FAM186A: variants seen among roughly 807,000 people sequenced by gnomAD.
FAM186A encodes family with sequence similarity 186 member A.
In FAM186A, 163 loss-of-function variants were observed where a neutral mutation model predicts 216.8. The ratio of observed to expected loss-of-function variants is 0.75; its 90% confidence interval spans 0.66 to 0.86. The LOEUF (loss-of-function observed/expected upper bound fraction) is 0.86. FAM186A is among the 40% of genes least tolerant of loss of function. The probability of loss-of-function intolerance (pLI) is 0.00; values close to 1 mark genes in which losing one functional copy is unlikely to be tolerated. For missense variants in FAM186A, 2,184 were observed against 2,746.2 expected, an observed-to-expected ratio of 0.80 and a Z score of 4.58; for synonymous variants, 805 against 1,025.3, an observed-to-expected ratio of 0.79 and a Z score of 4.10.
In FAM186A at chr12:50,353,471, T is replaced by A. The variant is rs943724892; in HGVS notation, c.3361A>T (p.Ile1121Phe). ...TGCGCCTGCTGAGGGGTGAAAAGGA[T>A]CTCCAGGGCCTGGGCCTGCTGAGGG... ...LTPQQAQALE[I>F]LFTPQQAQAL... The change falls in exon 4 of 8, where the codon ATC becomes TTC. Residue 1121 changes from isoleucine (I) to phenylalanine (F), a missense_variant. Transcript: ENST00000327337. 4.6e-6 allele frequency: 7 copies of A among 1,523,410 alleles called. No individual in the cohort carries two copies. In the Admixed American group the frequency reaches 1.1e-4, roughly 23 times the overall value. The allele number at this position is 1,523,410 out of a possible 1,614,324, so 94.4% of individuals were successfully genotyped here.
chr12:50,385,655 C>T (rs986227005), intron 1 of FAM186A, among the ~76,000 whole-genome samples: 3 of 151,696 alleles, frequency 2.0e-5, no homozygotes, highest in Non-Finnish European at 2.9e-5. Flanking sequence ...AACCCCAGCA[C>T]TTTGGGAGGC....
At chr12:50,372,902 TAAAAAAA>T (rs1204678452) in intron 1 of FAM186A, among the ~76,000 whole-genome samples, 1 of 39,508 alleles carries the variant, frequency 2.5e-5, no homozygotes, top group Non-Finnish European at 4.8e-5. Context: ...AGACTCCGTC[TAAAAAAA>T]AAAAAAAAGA....
chr12:50,356,941 G>A (rs942803932), intron 3 of FAM186A, among the ~76,000 whole-genome samples: 69 of 152,282 alleles, frequency 4.5e-4, no homozygotes, highest in Admixed American at 3.6e-3. Context: ...GGAGGTTGCA[G>A]TGAGCCGAGA....
chr12:50,360,946 A>T lies in FAM186A; in HGVS notation c.413-20T>A, dbSNP rs907456211. The T allele has an allele frequency of 4.0e-6, 6 of 1,517,464 alleles. No individual in the cohort carries two copies. Among genetic ancestry groups the T allele is most frequent in the South Asian group, 1.3e-5 (1 of 77,354 alleles). The allele number at this position is 1,517,464 out of a possible 1,614,324, so 94.0% of individuals were successfully genotyped here. On this transcript the variant is annotated intron_variant, in intron 2 of 7. Transcript: ENST00000327337. ...CATCATCTTGAAGAGAGTAAAAAAA[A>T]AATCATTTTTGTGCAGAAAAATAAA...
Position 50,351,608 on chromosome 12 carries a change from A to C in FAM186A, c.5224T>G (p.Ser1742Ala), listed in dbSNP as rs1205694377. ...GACTTCTCAGCAGTAGGAGCTGATGATGCCAGGGACAGCCTAAGACTTGGA... is the reference window on the plus strand; with the variant it reads ...GACTTCTCAGCAGTAGGAGCTGATGCTGCCAGGGACAGCCTAAGACTTGGA... Reference protein sequence around the residue: ...LSPSLRLSLASSAPTAEKSSI... With the variant: ...LSPSLRLSLAASAPTAEKSSI... The change falls in exon 4 of 8, where the codon TCA becomes GCA. Residue 1742 changes from serine (S) to alanine (A), a missense_variant. Coordinates refer to ENST00000327337, the MANE Select transcript of FAM186A (RefSeq NM_001145475.3). 4 of 1,551,542 alleles carry C rather than the reference A, an allele frequency of 2.6e-6. No individual in the cohort carries two copies. Among genetic ancestry groups the C allele is most frequent in the Admixed American group, 2.0e-5 (1 of 50,992 alleles).
chr12:50,358,562 G>A (rs181950550), intron 3 of FAM186A, among the ~76,000 whole-genome samples: 4 of 151,836 alleles, frequency 2.6e-5, no homozygotes, highest in East Asian at 1.9e-4. Context: ...CAGCTTGGAC[G>A]ACAGAGCAAA....
rs185440673 is a variant in FAM186A, at chr12:50,342,496, A to G, written c.6503+7833T>C. 3.1e-3 allele frequency among the ~76,000 whole-genome samples: 464 copies of G among 148,912 alleles called. 1 individual carries two copies. The highest frequency in any genetic ancestry group is 5.7e-3 in the Non-Finnish European group (385 of 67,426). On this transcript the variant is annotated intron_variant, in intron 4 of 7. Transcript: ENST00000327337. ...TATTTTTTAAAATTTTTTTTTAGAG[A>G]GAGAGTCTCGCTCTGTTGCCCAGGC...
chr12:50,365,816 T>G (rs1477455722), intron 1 of FAM186A: 1 of 758,718 alleles, frequency 1.3e-6, no homozygotes, highest in Admixed American at 1.7e-5. Flanking sequence ...ATGATGAAGT[T>G]CAGGTTGTAT....
chr12:50,328,854 G>A (rs1029965116), intron 7 of FAM186A, among the ~76,000 whole-genome samples: 4 of 152,176 alleles, frequency 2.6e-5, no homozygotes, highest in East Asian at 1.9e-4. Context: ...GGTGGCTCAC[G>A]CCTGTAATCC....
At chr12:50,341,391 T>G (rs955602887) in intron 4 of FAM186A, among the ~76,000 whole-genome samples, 1 of 152,192 alleles carries the variant, frequency 6.6e-6, no homozygotes, top group Non-Finnish European at 1.5e-5. Flanking sequence ...CATTAAATAT[T>G]AGAGAAGAGC....
In FAM186A at chr12:50,330,565, T is replaced by G. The variant is rs1370332306; in HGVS notation, c.7034+8A>C. ...CAATTACCAGAGTGCTTCCAGTCCA[T>G]AACTTACCGTGATTGGAGGGATGCA... On this transcript the variant is annotated splice_region_variant and intron_variant, in intron 7 of 7. Transcript: ENST00000327337. 6 of 1,549,078 alleles carry G rather than the reference T, an allele frequency of 3.9e-6. No homozygotes were observed. The Admixed American group carries it at 7.9e-5, about 20-fold the overall frequency.
chr12:50,373,673 A>G (rs1362318564), intron 1 of FAM186A, among the ~76,000 whole-genome samples: 1 of 152,192 alleles, frequency 6.6e-6, no homozygotes, highest in Non-Finnish European at 1.5e-5. Context: ...GAGGATGTGG[A>G]GAAATAGGAA....
At chr12:50,377,358 AG>A (rs35028050) in intron 1 of FAM186A, among the ~76,000 whole-genome samples, 106,781 of 152,152 alleles carry the variant, frequency 0.7, 44,019 homozygotes, top group Non-Finnish European at 0.93. Flanking sequence ...ACAAACCAGA[AG>A]TGAAAAACAA....
intron 1 of FAM186A, among the ~76,000 whole-genome samples, chr12:50,370,439 A>C (rs1390792428): frequency 6.6e-6 from 1 of 152,192 alleles, no homozygotes; most frequent in African/African-American, 2.4e-5. Context: ...TGTAAATCAA[A>C]ACCACAATGA....
intron 4 of FAM186A, among the ~76,000 whole-genome samples, chr12:50,342,675 A>G (rs1160315416): frequency 6.6e-6 from 1 of 151,002 alleles, no homozygotes; most frequent in Non-Finnish European, 1.5e-5. Flanking sequence ...ACAGGGTTTC[A>G]CCATGTTAGC....
chr12:50,340,197 G>A (rs1178712365), intron 4 of FAM186A, among the ~76,000 whole-genome samples: 1 of 152,068 alleles, frequency 6.6e-6, no homozygotes, highest in East Asian at 1.9e-4. Context: ...ACTCCCAGAA[G>A]CTGTACCTAA....
chr12:50,393,471 G>T (rs183805837), intron 1 of FAM186A, among the ~76,000 whole-genome samples: 1 of 151,992 alleles, frequency 6.6e-6, no homozygotes, highest in African/African-American at 2.4e-5. Flanking sequence ...GAGCCTGGGA[G>T]GCGGAGGTTG....
rs1211620844 is a variant in FAM186A at position 50,355,986 on chromosome 12, A to T, written c.846T>A (p.Val282=). The change falls in exon 4 of 8, where the codon GTT becomes GTA. Residue 282 remains valine (V), a synonymous_variant. Transcript: ENST00000327337. ...LSMLNDELKC[V]NFQSSTVYAH... Reference sequence around the variant, plus strand: ...CATACACAGTGGAACTTTGGAAGTTAACACATTTTAATTCATCATTTAGCA... The same window carrying T: ...CATACACAGTGGAACTTTGGAAGTTTACACATTTTAATTCATCATTTAGCA... 3.9e-6 allele frequency: 6 copies of T among 1,551,514 alleles called. No homozygotes were observed. In the Admixed American group the frequency reaches 1.2e-4, roughly 30 times the overall value.
At chr12:50,331,507 G>C (rs991437529) in intron 6 of FAM186A, among the ~76,000 whole-genome samples, 163 bp downstream of exon 6, 1 of 152,154 alleles carries the variant, frequency 6.6e-6, no homozygotes, top group East Asian at 1.9e-4. Flanking sequence ...CTCCCAAAGT[G>C]CTGGGATTAC....
Sources: gnomAD v4.1 joint callset for allele counts (sites outside exome capture counted in the v4.1 genomes callset) on GRCh38, gnomAD v4.1.1 for gene constraint, MANE v1.5 for transcripts, NCBI Gene and HGNC (gene_info 2026-07-23, HGNC 2026-07-21) for gene names.